The following TULP2 variants were observed in gnomAD, a reference collection of about 807,000 sequenced individuals.
TULP2 encodes the protein TUB like protein 2.
TULP2 carries 64 observed loss-of-function variants against 60.3 expected under a neutral mutation model. That is an observed-to-expected ratio of 1.06 (90% CI 0.87 to 1.31). The LOEUF (loss-of-function observed/expected upper bound fraction) is 1.31, where lower values mean the gene tolerates loss of function less well. TULP2 is among the 50% of genes most tolerant of loss of function. The pLI is 0.00. For missense variants in TULP2, 652 were observed against 667.0 expected (o/e 0.98, Z 0.25); for synonymous variants, 267 against 265.4 (o/e 1.01, Z -0.06).
At chr19:48,892,276 C>A (rs1345607354) in intron 6 of TULP2, among the ~76,000 whole-genome samples, 1 of 152,098 alleles carries the variant, frequency 6.6e-6, no homozygotes, top group African/African-American at 2.4e-5. Context: ...CTTCCTTGGG[C>A]AGGGGTCCCT....
At position 48,883,847 on chromosome 19, in the gene TULP2, G is replaced by A. The variant is rs776735732; in HGVS notation, c.1182C>T (p.Pro394=). Residue 394 remains proline (P), a synonymous_variant, in exon 11 of 13, where the codon CCC becomes CCT. Transcript: ENST00000221399. ...GAGGCCCCAGGTATCCTAAGACGTT[G>A]GGCTCCTGGGGGTATTACATTCCAG... ...RQELGAVCYE[P]NVLGYLGPRK... The A allele has an allele frequency of 1.9e-6, 3 of 1,614,030 alleles. No homozygotes were observed. The East Asian group carries it at 6.7e-5, about 36-fold the overall frequency.
At chr19:48,887,529 GT>G (rs2037192472) in intron 8 of TULP2, among the ~76,000 whole-genome samples, 1 of 151,062 alleles carries the variant, frequency 6.6e-6, no homozygotes, top group Non-Finnish European at 1.5e-5. Context: ...TTGCCATGTT[GT>G]TCAGGCTGGT....
In TULP2 at chr19:48,895,479, T is replaced by C. The variant is rs771907235; in HGVS notation, c.236A>G (p.Lys79Arg). ...GGGCAGATGTGCCTCTGACACTTTCTTCCGGAGGAAAGGGTTCCCAAGGCC... is the reference window on the plus strand; with the variant it reads ...GGGCAGATGTGCCTCTGACACTTTCCTCCGGAGGAAAGGGTTCCCAAGGCC... ...DRGLGNPFLR[K>R]KVSEAHLPSG... Residue 79 changes from lysine (K) to arginine (R), a missense_variant, in exon 5 of 13, where the codon AAG (lysine) becomes AGG (arginine). Lys to Arg is a conservative substitution (Grantham distance 26). Transcript: ENST00000221399. 7 of 1,610,720 alleles carry C rather than the reference T, an allele frequency of 4.3e-6. No individual in the cohort carries two copies. The South Asian group carries it at 7.7e-5, about 18-fold the overall frequency.
In TULP2 at chr19:48,889,509, C is replaced by T. The variant is rs1279613841; in HGVS notation, c.636+1G>A. 1.3e-6 allele frequency: 2 copies of T among 1,569,038 alleles called. No individual in the cohort carries two copies. Among genetic ancestry groups the T allele is most frequent in the East Asian group, 2.3e-5 (1 of 43,712 alleles). On this transcript the variant is annotated splice_donor_variant, in intron 7 of 12. Transcript: ENST00000221399. LOFTEE classifies it high-confidence loss of function. ...TCCTGAGTGATTGTGCATTTTCCTA[C>T]CTTTTGGAAGGCCAAGTTTTCATAT...
rs181243085 is a variant in TULP2, at chr19:48,881,584, C to T, written c.1447+448G>A. 3.3e-5 allele frequency among the ~76,000 whole-genome samples: 5 copies of T among 151,898 alleles called. No homozygotes were observed. In the East Asian group the frequency reaches 5.8e-4, roughly 18 times the overall value. ...GTTTTTAGTAGAGACGGGGTTTCAC[C>T]GTGTTAGTCAGGATGGTCTCAATCT... On this transcript the variant is annotated intron_variant, in intron 12 of 12. Coordinates refer to ENST00000221399, the MANE Select transcript of TULP2 (RefSeq NM_003323.3).
At chr19:48,889,728 ATTC>A in intron 6 of TULP2, 97 bp from the exon 7 acceptor site, 1 of 1,093,062 alleles carries the variant, frequency 9.1e-7, no homozygotes, top group Non-Finnish European at 1.3e-6. Context: ...ACTAAGACAA[ATTC>A]TTCTGCCTTG....
rs373214554 is a variant in TULP2 at position 48,897,292 on chromosome 19, G to C, written c.84+53C>G. 270 of 1,595,308 alleles carry C rather than the reference G, an allele frequency of 1.7e-4. 1 individual carries two copies. Among genetic ancestry groups the C allele is most frequent in the Non-Finnish European group, 2.2e-4 (255 of 1,166,254 alleles). ...GCAAGACCTGGTGGAGAGGCCCCTGGGGAGGCACAGAAGGCGGAAGAGTTG... is the reference window on the plus strand; with the variant it reads ...GCAAGACCTGGTGGAGAGGCCCCTGCGGAGGCACAGAAGGCGGAAGAGTTG... On this transcript the variant is annotated intron_variant, in intron 3 of 12. Transcript: ENST00000221399. This position sits in a 1 kb window ranked among gnomAD's most constrained non-coding sequence, Gnocchi z 4.0.
chr19:48,884,884 T>C (rs1184205150), intron 9 of TULP2, among the ~76,000 whole-genome samples: 1 of 151,436 alleles, frequency 6.6e-6, no homozygotes, highest in Non-Finnish European at 1.5e-5. Flanking sequence ...CCCTATTTTA[T>C]TTAAAGGGCC....
intron 6 of TULP2, among the ~76,000 whole-genome samples, chr19:48,893,843 C>G (rs1391868883): frequency 6.6e-6 from 1 of 151,890 alleles, no homozygotes; most frequent in African/African-American, 2.4e-5. Context: ...CGTGAGCCAC[C>G]GCGCCCAGCC....
At chr19:48,881,871 T>C (rs1180143200) in intron 12 of TULP2, 161 bp downstream of exon 12, 5 of 934,678 alleles carry the variant, frequency 5.3e-6, no homozygotes, top group Non-Finnish European at 8.0e-6. Flanking sequence ...CCAGAAACCC[T>C]GAGGGTGTGT....
chr19:48,881,996 C>G (rs1466896), intron 12 of TULP2, 36 bp downstream of exon 12: 228,748 of 1,614,004 alleles, frequency 0.14, 18,255 homozygotes, highest in Non-Finnish European at 0.16. Flanking sequence ...ACCCCCACCC[C>G]ACCTGGCCCG....
intron 7 of TULP2, among the ~76,000 whole-genome samples, chr19:48,888,545 A>G (rs1431492614): frequency 1.3e-5 from 2 of 151,928 alleles, no homozygotes; most frequent in African/African-American, 4.8e-5. Context: ...TCTAGATAAC[A>G]TAATACAGCC....
chr19:48,886,899 A>T (rs1304153451), intron 8 of TULP2, among the ~76,000 whole-genome samples: 1 of 140,386 alleles, frequency 7.1e-6, no homozygotes, highest in African/African-American at 2.7e-5. Flanking sequence ...TTTTTTGTAG[A>T]GACAGGGTTC....
At chr19:48,892,006 C>A (rs1312136406) in intron 6 of TULP2, among the ~76,000 whole-genome samples, 1 of 152,248 alleles carries the variant, frequency 6.6e-6, no homozygotes, top group Non-Finnish European at 1.5e-5. Context: ...GATGTCTCGC[C>A]TCCAGCCATA....
Position 48,885,428 on chromosome 19 carries a change from CA to C in TULP2, c.1061+19del, listed in dbSNP as rs1568569733. ...GCTCCCTGCTACCTGCTCCTCACCA[CA>C]TGTCAGAGCTCTACCCACCTGACTT... On this transcript the variant is annotated intron_variant, in intron 9 of 12. Transcript: ENST00000221399. The C allele has an allele frequency of 1.2e-6, 2 of 1,605,714 alleles. No individual in the cohort carries two copies. The highest frequency in any genetic ancestry group is 3.3e-5 in the Admixed American group (2 of 59,912).
chr19:48,881,972 C>T (rs2037136817), intron 12 of TULP2, 60 bp downstream of exon 12: 1 of 1,610,014 alleles, frequency 6.2e-7, no homozygotes, highest in Non-Finnish European at 8.5e-7. Flanking sequence ...TAGTTCCCTT[C>T]CGTTCACACC....
chr19:48,893,584 C>T (rs2037253123), intron 6 of TULP2, among the ~76,000 whole-genome samples: 1 of 151,956 alleles, frequency 6.6e-6, no homozygotes, highest in Non-Finnish European at 1.5e-5. Context: ...GACAAAGTCT[C>T]GCTCTTTCAC....
At chr19:48,884,500 G>T (rs55764400) in intron 9 of TULP2, among the ~76,000 whole-genome samples, 2 of 151,718 alleles carry the variant, frequency 1.3e-5, no homozygotes, top group Non-Finnish European at 2.9e-5. Flanking sequence ...GCCGGGTACG[G>T]TGGCTCACAC....
At chr19:48,895,322 G>A in intron 5 of TULP2, 44 bp downstream of exon 5, 1 of 1,603,316 alleles carries the variant, frequency 6.2e-7, no homozygotes, top group Non-Finnish European at 8.5e-7. Context: ...GTTTTAGTGG[G>A]GACGGAGTTC....
Sources: gnomAD v4.1 joint callset for allele counts (sites outside exome capture counted in the v4.1 genomes callset) on GRCh38, gnomAD v4.1.1 for gene constraint, Gnocchi (gnomAD v3.1) non-coding constraint, MANE v1.5 for transcripts, NCBI Gene and HGNC (gene_info 2026-07-23, HGNC 2026-07-21) for gene names.